PDE10A: variants seen among roughly 807,000 people sequenced by gnomAD.
The protein encoded by PDE10A is cAMP and cAMP-inhibited cGMP 3',5'-cyclic phosphodiesterase 10A.
In PDE10A, 39 loss-of-function variants were observed where a neutral mutation model predicts 97.7. The observed-to-expected ratio is 0.40, with a 90% confidence interval of 0.31 to 0.52. The LOEUF (loss-of-function observed/expected upper bound fraction) is 0.52. Among genes scored for constraint, PDE10A ranks in the 20% least tolerant of loss-of-function variants. The probability of loss-of-function intolerance (pLI) is 0.56; values close to 1 mark genes in which losing one functional copy is unlikely to be tolerated. For synonymous variants in PDE10A, 371 were observed against 376.8 expected, an observed-to-expected ratio of 0.98 and a Z score of 0.18; for missense variants, 731 against 1,047.8, an observed-to-expected ratio of 0.70 and a Z score of 4.17.
chr6:165,405,661 C>T (rs769556854), intron 13 of PDE10A, among the ~76,000 whole-genome samples: 22 of 152,098 alleles, frequency 1.4e-4, no homozygotes, highest in African/African-American at 2.2e-4. Flanking sequence ...GCTGACTTCC[C>T]CAAGGTCAGA....
At chr6:165,739,585 T>A (rs1205463363) in intron 1 of PDE10A, among the ~76,000 whole-genome samples, 1 of 151,972 alleles carries the variant, frequency 6.6e-6, no homozygotes, top group African/African-American at 2.4e-5. Flanking sequence ...GGCTATGATT[T>A]TTTTTTTCAT....
chr6:165,849,012 A>G (rs1418259914), intron 1 of PDE10A, among the ~76,000 whole-genome samples: 5 of 152,246 alleles, frequency 3.3e-5, no homozygotes, highest in African/African-American at 1.2e-4. Flanking sequence ...CCACTGCAAT[A>G]GGAGAGGAAT....
chr6:165,783,861 G>A (rs1404751368), intron 1 of PDE10A, among the ~76,000 whole-genome samples: 1 of 152,168 alleles, frequency 6.6e-6, no homozygotes, highest in Non-Finnish European at 1.5e-5. Context: ...AAAGCCAGGA[G>A]TAACCTAGGT....
At chr6:165,422,276 TAC>T (rs1219259467) in intron 10 of PDE10A, among the ~76,000 whole-genome samples, 3 of 151,242 alleles carry the variant, frequency 2.0e-5, no homozygotes, top group Non-Finnish European at 4.4e-5. Flanking sequence ...CACATACGCA[TAC>T]ACACACACGC....
At chr6:165,709,813 C>T (rs751839990) in intron 1 of PDE10A, among the ~76,000 whole-genome samples, 2 of 149,628 alleles carry the variant, frequency 1.3e-5, no homozygotes, top group African/African-American at 2.5e-5. Flanking sequence ...CGCTGTCCTG[C>T]GGTCCCTTTC....
At chr6:165,633,266 G>A (rs1788717476) in intron 1 of PDE10A, among the ~76,000 whole-genome samples, 1 of 152,068 alleles carries the variant, frequency 6.6e-6, no homozygotes, top group Non-Finnish European at 1.5e-5. Flanking sequence ...GAGGCTTAAG[G>A]CATCAAGGAG....
intron 2 of PDE10A, among the ~76,000 whole-genome samples, chr6:165,503,478 T>C (rs1313667604): frequency 4.6e-5 from 7 of 152,162 alleles, no homozygotes; most frequent in Admixed American, 4.6e-4. Flanking sequence ...CAAGAGTCCA[T>C]GCAGAGGCCT....
chr6:165,968,463 T>C (rs543828535), intron 1 of PDE10A, among the ~76,000 whole-genome samples: 30 of 152,306 alleles, frequency 2.0e-4, no homozygotes, highest in African/African-American at 7.0e-4. Context: ...CTACATAGAT[T>C]TCTAGAAAAT....
chr6:165,743,927 T>G (rs533777056), intron 1 of PDE10A, among the ~76,000 whole-genome samples: 4 of 152,332 alleles, frequency 2.6e-5, no homozygotes, highest in Non-Finnish European at 5.9e-5. Flanking sequence ...TGGAACAAGC[T>G]AGACTGCCTG....
At chr6:165,699,119 C>G (rs1036419682) in intron 1 of PDE10A, among the ~76,000 whole-genome samples, 1 of 151,880 alleles carries the variant, frequency 6.6e-6, no homozygotes, top group Admixed American at 6.6e-5. Flanking sequence ...TTTAAAGATA[C>G]AAATAGATTT....
chr6:165,693,620 T>C (rs1364825868), intron 1 of PDE10A, among the ~76,000 whole-genome samples: 3 of 151,762 alleles, frequency 2.0e-5, no homozygotes, highest in African/African-American at 7.3e-5. Flanking sequence ...ATCATCATGA[T>C]GCTTTCTACA....
intron 1 of PDE10A, among the ~76,000 whole-genome samples, chr6:165,756,899 T>A (rs1355541798): frequency 6.6e-6 from 1 of 152,118 alleles, no homozygotes; most frequent in Admixed American, 6.6e-5. Flanking sequence ...AGGATCACTA[T>A]TATTTCTTTT....
chr6:165,949,469 A>T (rs1783883644), intron 1 of PDE10A: 1 of 151,030 alleles, frequency 6.6e-6, no homozygotes, highest in East Asian at 1.9e-4. Context: ...AGTGCCACAA[A>T]CTGGTGCAAC....
intron 3 of PDE10A, among the ~76,000 whole-genome samples, chr6:165,470,445 T>C (rs1399302464): frequency 6.6e-6 from 1 of 152,216 alleles, no homozygotes; most frequent in Non-Finnish European, 1.5e-5. Context: ...TTTCATAAAA[T>C]CCAGTATTAA....
At chr6:165,800,135 T>C (rs890508658) in intron 1 of PDE10A, among the ~76,000 whole-genome samples, 1 of 152,198 alleles carries the variant, frequency 6.6e-6, no homozygotes, top group African/African-American at 2.4e-5. Flanking sequence ...TTCATAAAAC[T>C]AGGTTAAGGA....
At chr6:165,471,494 G>C (rs1013174274) in intron 3 of PDE10A, among the ~76,000 whole-genome samples, 59 of 151,990 alleles carry the variant, frequency 3.9e-4, no homozygotes, top group African/African-American at 1.4e-3. Context: ...TCTCCCATTT[G>C]GAAATCTATT....
chr6:165,959,343 A>G (rs1784289683), intron 1 of PDE10A, among the ~76,000 whole-genome samples: 1 of 152,164 alleles, frequency 6.6e-6, no homozygotes, highest in Admixed American at 6.5e-5. Context: ...ATGGGGAGGA[A>G]AGAAGAGAGG....
intron 1 of PDE10A, among the ~76,000 whole-genome samples, chr6:165,728,745 T>C (rs1044750573): frequency 1.1e-4 from 16 of 152,162 alleles, no homozygotes; most frequent in Non-Finnish European, 1.8e-4. Flanking sequence ...AGGGAGATTA[T>C]GACCATACCC....
At chr6:165,428,815 T>C (rs940971717) in intron 9 of PDE10A, 106 bp from the exon 10 acceptor site, 4 of 525,004 alleles carry the variant, frequency 7.6e-6, no homozygotes, top group African/African-American at 4.1e-5. Context: ...TAAAAAACCA[T>C]AAAGATAAAT....
Sources: allele counts gnomAD v4.1 joint callset (sites outside exome capture counted in the v4.1 genomes callset), GRCh38; gene constraint gnomAD v4.1.1; transcripts MANE v1.5; gene names NCBI Gene and HGNC (gene_info 2026-07-23, HGNC 2026-07-21).